Variants in TMEM135 observed in about 807,000 individuals in gnomAD.
TMEM135 encodes peroxisomal membrane protein 52.
In TMEM135, 30 loss-of-function variants were observed where a neutral mutation model predicts 60.3. That is an observed-to-expected ratio of 0.50 (90% CI 0.37 to 0.68). The LOEUF (loss-of-function observed/expected upper bound fraction) is 0.68, where lower values mean the gene tolerates loss of function less well. Ranked by LOEUF, TMEM135 falls within the 30% of genes least tolerant of loss-of-function variation. The pLI is 0.00. For synonymous variants in TMEM135, 190 were observed against 186.7 expected, an observed-to-expected ratio of 1.02 and a Z score of -0.14; for missense variants, 468 against 548.8, an observed-to-expected ratio of 0.85 and a Z score of 1.47.
At chr11:87,123,457 C>T (rs995962383) in intron 4 of TMEM135, among the ~76,000 whole-genome samples, 2 of 152,188 alleles carry the variant, frequency 1.3e-5, no homozygotes, top group African/African-American at 2.4e-5. Flanking sequence ...CTTATAAAGA[C>T]ACCTGTCATT....
At chr11:87,178,637 G>C (rs991460821) in intron 5 of TMEM135, 23 of 392,062 alleles carry the variant, frequency 5.9e-5, no homozygotes, top group African/African-American at 4.2e-4. Flanking sequence ...TGTTGGCCAG[G>C]TAAGTCTTGA....
intron 7 of TMEM135, among the ~76,000 whole-genome samples, chr11:87,301,868 A>G (rs933896627): frequency 4.6e-5 from 7 of 152,222 alleles, no homozygotes; most frequent in Non-Finnish European, 7.3e-5. Context: ...GAATAACATC[A>G]GCTTTCAGAT....
In TMEM135 at chr11:87,296,527, T is replaced by G. The variant is rs574536073; in HGVS notation, c.551+704T>G. Among the ~76,000 whole-genome samples the G allele has an allele frequency of 2.0e-5, 3 of 152,288 alleles. No individual in the cohort carries two copies. The East Asian group carries it at 5.8e-4, about 29-fold the overall frequency. ...CCTGTTTTGTAATCCAAAGGACATA[T>G]AGTAGATGCTTGGTGAAGATCAGTA... On this transcript the variant is annotated intron_variant, in intron 7 of 14. Coordinates refer to ENST00000305494, the MANE Select transcript of TMEM135 (RefSeq NM_022918.4).
At chr11:87,109,767 A>T (rs1427202631) in intron 4 of TMEM135, among the ~76,000 whole-genome samples, 1 of 152,002 alleles carries the variant, frequency 6.6e-6, no homozygotes, top group African/African-American at 2.4e-5. Context: ...GTGTTCCTGC[A>T]GTATGTTAAA....
chr11:87,219,554 C>G (rs1388835364), intron 5 of TMEM135, among the ~76,000 whole-genome samples: 1 of 152,096 alleles, frequency 6.6e-6, no homozygotes, highest in Non-Finnish European at 1.5e-5. Flanking sequence ...TGAGAGCTCT[C>G]TCTGGTGTTG....
intron 3 of TMEM135, among the ~76,000 whole-genome samples, chr11:87,089,856 A>G (rs561502714): frequency 2.0e-4 from 31 of 152,302 alleles, no homozygotes; most frequent in Non-Finnish European, 4.0e-4. Context: ...ATATGTAAAA[A>G]TCATAGAAAA....
In TMEM135 at chr11:87,319,416, G is replaced by A. The variant is rs760882629; in HGVS notation, c.1244+39G>A. 5 of 1,428,962 alleles carry A rather than the reference G, an allele frequency of 3.5e-6. No individual in the cohort carries two copies. The South Asian group carries it at 5.8e-5, about 17-fold the overall frequency. 88.5% of individuals were successfully genotyped at this position (1,428,962 alleles called of 1,614,324 possible). A position where few individuals can be genotyped will look rare whatever the true frequency, so the allele number is the denominator to read the frequency against. The stretch of plus-strand genomic sequence containing the variant: ...TAGTTTTCTTAAAAATATTATGAGT[G>A]GTTTTATCTTTTTGAGGGAATATTC... On this transcript the variant is annotated intron_variant, in intron 14 of 14. Coordinates refer to ENST00000305494, the MANE Select transcript of TMEM135 (RefSeq NM_022918.4).
At position 87,285,305 on chromosome 11, in the gene TMEM135, C is replaced by T. The variant is rs114929343; in HGVS notation, c.510-10477C>T. ...CAGAATAAGAAAAATTTAATTAAAACTATGTCTGAAATTGGTGGGTTCTTG... is the reference window on the plus strand; with the variant it reads ...CAGAATAAGAAAAATTTAATTAAAATTATGTCTGAAATTGGTGGGTTCTTG... On this transcript the variant is annotated intron_variant, in intron 6 of 14. Transcript: ENST00000305494. 4.2e-3 allele frequency among the ~76,000 whole-genome samples: 636 copies of T among 152,218 alleles called. 4 individuals are homozygous for T. The highest frequency in any genetic ancestry group is 0.015 in the African/African-American group (604 of 41,532).
In TMEM135 at chr11:87,216,969, G is replaced by A. The variant is rs928083470; in HGVS notation, c.463-19669G>A. ...TGTAATAAAATAGCATAATAAAAAGGCTCTGAGTATATTGATGGAGGCATA... is the reference window on the plus strand; with the variant it reads ...TGTAATAAAATAGCATAATAAAAAGACTCTGAGTATATTGATGGAGGCATA... On this transcript the variant is annotated intron_variant, in intron 5 of 14. Transcript: ENST00000305494. Among the ~76,000 whole-genome samples, 4 of 152,078 alleles carry A rather than the reference G, an allele frequency of 2.6e-5. No homozygotes were observed. In the East Asian group the frequency reaches 7.7e-4, roughly 29 times the overall value.
intron 6 of TMEM135, among the ~76,000 whole-genome samples, chr11:87,256,490 CA>C (rs1261412565): frequency 6.6e-6 from 1 of 152,012 alleles, no homozygotes; most frequent in Non-Finnish European, 1.5e-5. Context: ...TATGATTCCT[CA>C]AAATATTTTT....
intron 1 of TMEM135, among the ~76,000 whole-genome samples, chr11:87,056,065 C>T (rs1237810252): frequency 1.3e-5 from 2 of 152,116 alleles, no homozygotes; most frequent in South Asian, 2.1e-4. Flanking sequence ...GGGAGGTGTG[C>T]TCTGCTACAA....
chr11:87,270,166 T>C (rs180739319), intron 6 of TMEM135, among the ~76,000 whole-genome samples: 2,559 of 149,308 alleles, frequency 0.017, 29 homozygotes, highest in South Asian at 0.034. Flanking sequence ...TCTGTTCATG[T>C]CCTTTGCCCA....
intron 6 of TMEM135, among the ~76,000 whole-genome samples, chr11:87,269,048 G>A (rs997813929): frequency 8.1e-5 from 12 of 148,326 alleles, no homozygotes; most frequent in Admixed American, 6.0e-4. Context: ...TTTCAAAATC[G>A]CTTTTAAAAA....
chr11:87,290,732 GATATTATTATGCAAC>G (rs1350885732), intron 6 of TMEM135, among the ~76,000 whole-genome samples: 68 of 152,162 alleles, frequency 4.5e-4, no homozygotes, highest in African/African-American at 1.6e-3. Context: ...TAAGTTCTTT[GATATTATTATGCAAC>G]ATATTTCTTT....
chr11:87,226,910 G>C (rs1253953701), intron 5 of TMEM135, among the ~76,000 whole-genome samples: 1 of 152,148 alleles, frequency 6.6e-6, no homozygotes, highest in Non-Finnish European at 1.5e-5. Context: ...TTAGCTGGGT[G>C]TGGTGGCAAA....
chr11:87,145,636 T>TG (rs1450919520), intron 4 of TMEM135, among the ~76,000 whole-genome samples: 1 of 152,180 alleles, frequency 6.6e-6, no homozygotes. Flanking sequence ...AGGTGTGAGA[T>TG]GATACATCAT....
chr11:87,192,943 C>T lies in TMEM135; in HGVS notation c.462+35537C>T, dbSNP rs1272432373. Among the ~76,000 whole-genome samples, 5 of 152,104 alleles carry T rather than the reference C, an allele frequency of 3.3e-5. No individual in the cohort carries two copies. The East Asian group carries it at 5.8e-4, about 18-fold the overall frequency. On this transcript the variant is annotated intron_variant, in intron 5 of 14. Transcript: ENST00000305494. ...CAGCCTGGCCAACATGGGAAAACCC[C>T]GTCTCTACTAAAAATATAAAAAATA...
At chr11:87,279,969 A>G (rs1226134851) in intron 6 of TMEM135, among the ~76,000 whole-genome samples, 2 of 152,242 alleles carry the variant, frequency 1.3e-5, no homozygotes, top group African/African-American at 4.8e-5. Flanking sequence ...TGTTAAAACA[A>G]CTAGTATTAA....
Position 87,324,132 on chromosome 11 carries a change from A to G in TMEM135, c.*2799A>G, listed in dbSNP as rs147730741. ...GAGTGTTCGTCTCCTTGTAGATTGT[A>G]TCTAGGCTAACATTTCATTTAGTTG... On this transcript the variant is annotated 3_prime_UTR_variant, in exon 15 of 15. Transcript: ENST00000305494. The G allele has an allele frequency of 1.2e-3, 558 of 454,074 alleles. 3 individuals carry two copies. The highest frequency in any genetic ancestry group is 0.01 in the African/African-American group (512 of 50,124). 28.1% of individuals were successfully genotyped at this position (454,074 alleles called of 1,614,324 possible). A position where few individuals can be genotyped will look rare whatever the true frequency, so the allele number is the denominator to read the frequency against.
Sources: gnomAD v4.1 joint callset for allele counts (sites outside exome capture counted in the v4.1 genomes callset) on GRCh38, gnomAD v4.1.1 for gene constraint, MANE v1.5 for transcripts, NCBI Gene and HGNC (gene_info 2026-07-23, HGNC 2026-07-21) for gene names.